PDLIM5: variants seen among roughly 807,000 people sequenced by gnomAD.
PDLIM5 encodes PDZ and LIM domain 5.
PDLIM5 carries 34 observed loss-of-function variants against 64.2 expected under a neutral mutation model. The ratio of observed to expected loss-of-function variants is 0.53; its 90% CI spans 0.40 to 0.71. PDLIM5 has a LOEUF of 0.71. PDLIM5 is among the 30% of genes least tolerant of loss of function. The probability of loss-of-function intolerance (pLI) is 0.00; values close to 1 mark genes in which losing one functional copy is unlikely to be tolerated. For synonymous variants in PDLIM5, 253 were observed against 269.1 expected (o/e 0.94, Z 0.59); for missense variants, 683 against 733.6 (o/e 0.93, Z 0.80).
At chr4:94,574,825 G>A (rs188609778) in intron 4 of PDLIM5, among the ~76,000 whole-genome samples, 7 of 152,046 alleles carry the variant, frequency 4.6e-5, no homozygotes, top group Admixed American at 3.3e-4. Flanking sequence ...GGCTGCTGAC[G>A]ATGGGGAAAT....
chr4:94,554,710 T>C (rs1733116700), intron 3 of PDLIM5, among the ~76,000 whole-genome samples: 1 of 152,182 alleles, frequency 6.6e-6, no homozygotes, highest in South Asian at 2.1e-4. Flanking sequence ...GTGAAGAGGT[T>C]TTATCAATTG....
chr4:94,475,924 G>A lies in PDLIM5; in HGVS notation c.96+20540G>A, dbSNP rs561588907. On this transcript the variant is annotated intron_variant, in intron 2 of 12. Coordinates refer to ENST00000317968, the MANE Select transcript of PDLIM5 (RefSeq NM_006457.5). ...GACAGTGTAAAGTTTGTCAGAATTG[G>A]CAAATCACCTCCCAGTTCAATAACC... is the stretch of plus-strand genomic sequence containing the variant. Among the ~76,000 whole-genome samples, 13 of 152,212 alleles carry A rather than the reference G, an allele frequency of 8.5e-5. No individual in the cohort carries two copies. The East Asian group carries it at 2.5e-3, about 29-fold the overall frequency.
chr4:94,556,595 A>G (rs1038000614), intron 3 of PDLIM5, among the ~76,000 whole-genome samples: 1 of 152,146 alleles, frequency 6.6e-6, no homozygotes, highest in African/African-American at 2.4e-5. Flanking sequence ...AATGATCACC[A>G]TTCTAATTGG....
chr4:94,610,079 G>T (rs1448774403), intron 7 of PDLIM5: 2 of 711,302 alleles, frequency 2.8e-6, no homozygotes, highest in African/African-American at 1.8e-5. Context: ...AATATGAAAT[G>T]GTTGCTCTCT....
At chr4:94,510,108 G>T (rs1728741004) in intron 2 of PDLIM5, among the ~76,000 whole-genome samples, 1 of 152,138 alleles carries the variant, frequency 6.6e-6, no homozygotes, top group Non-Finnish European at 1.5e-5. Context: ...AAATGTCAGG[G>T]GGCTCAACTG....
chr4:94,599,020 G>A (rs561984673), intron 7 of PDLIM5, among the ~76,000 whole-genome samples: 10 of 152,086 alleles, frequency 6.6e-5, no homozygotes, highest in Non-Finnish European at 1.3e-4. Context: ...AAGAGATTAC[G>A]TGAAGTACTC....
rs201829949 is a variant in PDLIM5 at position 94,455,397 on chromosome 4, T to G, written c.96+13T>G. On this transcript the variant is annotated intron_variant, in intron 2 of 12. Coordinates refer to ENST00000317968, the MANE Select transcript of PDLIM5 (RefSeq NM_006457.5). Reference sequence around the variant, plus strand: ...GACAATCTCTAGTGTAAGTAAACTTTACAAATTTTATTATAGATGTTCATT... The same window carrying G: ...GACAATCTCTAGTGTAAGTAAACTTGACAAATTTTATTATAGATGTTCATT... The G allele has an allele frequency of 6.5e-7, 1 of 1,532,052 alleles. No individual in the cohort carries two copies. Among genetic ancestry groups the G allele is most frequent in the East Asian group, 2.2e-5 (1 of 44,492 alleles). 94.9% of individuals were successfully genotyped at this position (1,532,052 alleles called of 1,614,324 possible). A position where few individuals can be genotyped will look rare whatever the true frequency, so the allele number is the denominator to read the frequency against.
At chr4:94,494,223 C>T (rs1727129075) in intron 2 of PDLIM5, among the ~76,000 whole-genome samples, 1 of 152,006 alleles carries the variant, frequency 6.6e-6, no homozygotes, top group East Asian at 1.9e-4. Flanking sequence ...CCATTTCAGC[C>T]TCCCAAAGTG....
chr4:94,581,419 A>G (rs527260909), intron 5 of PDLIM5, among the ~76,000 whole-genome samples: 50 of 151,910 alleles, frequency 3.3e-4, no homozygotes, highest in African/African-American at 6.0e-4. Context: ...CTAAAACTCA[A>G]CTCTGTTCAG....
At chr4:94,661,687 A>G (rs1238390233) in intron 11 of PDLIM5, among the ~76,000 whole-genome samples, 1 of 152,186 alleles carries the variant, frequency 6.6e-6, no homozygotes, top group African/African-American at 2.4e-5. Flanking sequence ...ACCAAGTCAG[A>G]TACGCTATGA....
At chr4:94,578,506 A>G (rs1442844928) in intron 5 of PDLIM5, among the ~76,000 whole-genome samples, 1 of 152,180 alleles carries the variant, frequency 6.6e-6, no homozygotes, top group Non-Finnish European at 1.5e-5. Context: ...AGGACAATAA[A>G]AACTTGATTA....
At chr4:94,456,532 A>G (rs1723385814) in intron 2 of PDLIM5, 1 of 717,336 alleles carries the variant, frequency 1.4e-6, no homozygotes, top group African/African-American at 1.7e-5. Context: ...TTTTGCAACA[A>G]TTTACCCTGA....
chr4:94,527,777 C>A (rs894033228), intron 3 of PDLIM5, among the ~76,000 whole-genome samples: 1 of 152,178 alleles, frequency 6.6e-6, no homozygotes, highest in Non-Finnish European at 1.5e-5. Flanking sequence ...TTTTGTACCC[C>A]CTTCCTTGTA....
intron 8 of PDLIM5, among the ~76,000 whole-genome samples, chr4:94,636,542 T>TC (rs1253666566): frequency 6.7e-6 from 1 of 149,106 alleles, no homozygotes; most frequent in Non-Finnish European, 1.5e-5. Context: ...GTTCGTACTT[T>TC]TTTTTTTTTT....
At chr4:94,580,234 T>G (rs1346908264) in intron 5 of PDLIM5, among the ~76,000 whole-genome samples, 1 of 152,164 alleles carries the variant, frequency 6.6e-6, no homozygotes, top group Non-Finnish European at 1.5e-5. Flanking sequence ...TAAAATAATT[T>G]TATTAATTAG....
intron 7 of PDLIM5, among the ~76,000 whole-genome samples, chr4:94,613,291 A>G (rs1395833842): frequency 6.6e-6 from 1 of 152,198 alleles, no homozygotes; most frequent in South Asian, 2.1e-4. Context: ...AAAAAATTTA[A>G]ACATGTAATT....
At chr4:94,461,853 T>A (rs972207057) in intron 2 of PDLIM5, among the ~76,000 whole-genome samples, 2 of 145,672 alleles carry the variant, frequency 1.4e-5, no homozygotes, top group African/African-American at 5.0e-5. Context: ...AAAGAAAAAG[T>A]TAGATGAGAG....
At chr4:94,611,240 TA>T (rs1388204088) in intron 7 of PDLIM5, 1 of 1,498,436 alleles carries the variant, frequency 6.7e-7, no homozygotes, top group Non-Finnish European at 9.0e-7. Context: ...GGTTCGCTGT[TA>T]AGCATACTGC....
intron 5 of PDLIM5, chr4:94,583,071 A>G (rs1220056535): frequency 1.2e-5 from 2 of 171,780 alleles, no homozygotes; most frequent in Admixed American, 1.3e-4. Flanking sequence ...ATTTTGAAAT[A>G]AATTACTTGC....
Sources: allele counts gnomAD v4.1 joint callset (sites outside exome capture counted in the v4.1 genomes callset), GRCh38; gene constraint gnomAD v4.1.1; transcripts MANE v1.5; gene names NCBI Gene and HGNC (gene_info 2026-07-23, HGNC 2026-07-21).